Variants in LINGO2 observed in about 807,000 individuals in gnomAD.
The protein encoded by LINGO2 is leucine-rich repeat and immunoglobulin-like domain-containing nogo receptor-interacting protein 2.
In LINGO2, 14 loss-of-function variants were observed where a neutral mutation model predicts 30.6. That is an observed-to-expected ratio of 0.46 (90% CI 0.30 to 0.72). The LOEUF (loss-of-function observed/expected upper bound fraction) is 0.72. Among genes scored for constraint, LINGO2 ranks in the 30% least tolerant of loss-of-function variants. The probability of loss-of-function intolerance (pLI) is 0.07; values close to 1 mark genes in which losing one functional copy is unlikely to be tolerated. For missense variants in LINGO2, 729 were observed against 751.7 expected (o/e 0.97, Z 0.35); for synonymous variants, 317 against 288.5 (o/e 1.10, Z -1.00).
intron 4 of LINGO2, among the ~76,000 whole-genome samples, chr9:28,092,604 A>T (rs990482990): frequency 6.6e-6 from 1 of 151,764 alleles, no homozygotes; most frequent in Admixed American, 6.6e-5. Context: ...GTAAATGATG[A>T]GTTAATGGGT....
At chr9:28,002,321 T>C (rs147871637) in intron 5 of LINGO2, among the ~76,000 whole-genome samples, 325 of 152,220 alleles carry the variant, frequency 2.1e-3, no homozygotes, top group African/African-American at 7.2e-3. Flanking sequence ...AACCCAAGCC[T>C]GTAAAATTCA....
At chr9:29,163,091 T>A in the LINGO2 span, among the ~76,000 whole-genome samples, 6 of 152,172 alleles carry the variant, frequency 3.9e-5, no homozygotes, top group African/African-American at 1.4e-4. Flanking sequence ...ATTCTTAAGC[T>A]TTGCTTTAAA....
Position 28,008,391 on chromosome 9 carries a change from C to T in LINGO2, c.-36+3964G>A, listed in dbSNP as rs144232848. Among the ~76,000 whole-genome samples the T allele has an allele frequency of 6.0e-3, 908 of 152,094 alleles. 55 individuals are homozygous for T. The highest frequency in any genetic ancestry group is 0.053 in the Admixed American group (808 of 15,256). On this transcript the variant is annotated intron_variant, in intron 5 of 5. Coordinates refer to ENST00000379992, the Ensembl canonical transcript of LINGO2. ...ACCAGAAAGGTACAGCTGTATCCTTCTTAAATCAGTGAACATATCCATTTA... is the reference window on the plus strand; with the variant it reads ...ACCAGAAAGGTACAGCTGTATCCTTTTTAAATCAGTGAACATATCCATTTA...
chr9:28,602,600 T>C (rs572429083), intron 1 of LINGO2, among the ~76,000 whole-genome samples: 1 of 152,254 alleles, frequency 6.6e-6, no homozygotes, highest in Non-Finnish European at 1.5e-5. Flanking sequence ...GTTATATTTT[T>C]CCAGAGAAAA....
chr9:28,086,667 A>C (rs1175286795), intron 4 of LINGO2, among the ~76,000 whole-genome samples: 1 of 152,016 alleles, frequency 6.6e-6, no homozygotes, highest in Non-Finnish European at 1.5e-5. Flanking sequence ...TAAAGAAAAA[A>C]AAACATGTCC....
intron 1 of LINGO2, among the ~76,000 whole-genome samples, chr9:28,524,152 G>A (rs1473847618): frequency 6.6e-6 from 1 of 151,796 alleles, no homozygotes; most frequent in African/African-American, 2.4e-5. Flanking sequence ...CCAACAAAGG[G>A]GCCAAGATAA....
At chr9:28,240,650 G>A (rs1434963559) in intron 4 of LINGO2, among the ~76,000 whole-genome samples, 1 of 152,006 alleles carries the variant, frequency 6.6e-6, no homozygotes, top group Non-Finnish European at 1.5e-5. Flanking sequence ...AAACAAAATA[G>A]ATTAAAGACT....
chr9:28,040,108 A>G (rs575148419), intron 4 of LINGO2, among the ~76,000 whole-genome samples: 3 of 152,316 alleles, frequency 2.0e-5, no homozygotes, highest in Admixed American at 2.0e-4. Context: ...CTATAAATCA[A>G]ATGTTGAATG....
chr9:28,633,040 G>C (rs1827075695), intron 1 of LINGO2, among the ~76,000 whole-genome samples: 1 of 151,452 alleles, frequency 6.6e-6, no homozygotes. Context: ...GGAGTCCAGT[G>C]TTCAAGGGCA....
At chr9:28,031,157 G>A (rs902092036) in intron 4 of LINGO2, among the ~76,000 whole-genome samples, 1 of 152,068 alleles carries the variant, frequency 6.6e-6, no homozygotes, top group African/African-American at 2.4e-5. Context: ...TTCAAAATGG[G>A]AGAAACACTC....
intron 2 of LINGO2, among the ~76,000 whole-genome samples, chr9:28,433,820 T>C (rs1245753186): frequency 6.6e-6 from 1 of 151,574 alleles, no homozygotes; most frequent in Admixed American, 6.6e-5. Flanking sequence ...AAAAGACACA[T>C]GCACATGCAT....
chr9:29,076,526 G>C, the LINGO2 span, among the ~76,000 whole-genome samples: 9,454 of 149,994 alleles, frequency 0.063, 404 homozygotes, highest in Middle Eastern at 0.18. Flanking sequence ...GTATGGTATA[G>C]GCAGAGTGGT....
the LINGO2 span, among the ~76,000 whole-genome samples, chr9:28,785,152 T>C: frequency 1.3e-5 from 2 of 152,318 alleles, no homozygotes; most frequent in African/African-American, 4.8e-5. Flanking sequence ...ACATACTCTA[T>C]GGCAGCAGAG....
the LINGO2 span, chr9:27,940,127 T>A: frequency 6.6e-6 from 1 of 152,154 alleles, no homozygotes; most frequent in African/African-American, 2.4e-5. Flanking sequence ...ACCTGCCTTA[T>A]CTTTTTTTAT....
chr9:28,844,881 C>G, the LINGO2 span, among the ~76,000 whole-genome samples: 1 of 151,840 alleles, frequency 6.6e-6, no homozygotes, highest in African/African-American at 2.4e-5. Context: ...AAGCATGAAT[C>G]ACTGAGTTTG....
chr9:29,035,191 T>C, the LINGO2 span, among the ~76,000 whole-genome samples: 2 of 152,000 alleles, frequency 1.3e-5, no homozygotes, highest in Non-Finnish European at 2.9e-5. Flanking sequence ...ATGTTAGAAC[T>C]GGAAAGGTCC....
At chr9:28,126,040 T>C (rs1827226512) in intron 4 of LINGO2, among the ~76,000 whole-genome samples, 1 of 152,300 alleles carries the variant, frequency 6.6e-6, no homozygotes. Flanking sequence ...GGGCCTTAAA[T>C]ACTAAGCAGC....
At chr9:28,008,398 C>G (rs1822376460) in intron 5 of LINGO2, among the ~76,000 whole-genome samples, 1 of 151,970 alleles carries the variant, frequency 6.6e-6, no homozygotes, top group South Asian at 2.1e-4. Flanking sequence ...CTTCTTAAAT[C>G]AGTGAACATA....
upstream of LINGO2, among the ~76,000 whole-genome samples, chr9:28,674,342 A>C (rs536120720): frequency 3.9e-5 from 6 of 152,268 alleles, no homozygotes; most frequent in East Asian, 1.2e-3. Context: ...GTTTATAGTG[A>C]TATTCTAGGA....
Sources: gnomAD v4.1 joint callset for allele counts (sites outside exome capture counted in the v4.1 genomes callset) on GRCh38, gnomAD v4.1.1 for gene constraint, MANE v1.5 for transcripts, NCBI Gene and HGNC (gene_info 2026-07-23, HGNC 2026-07-21) for gene names.